Variants in HYCC1 observed in about 807,000 individuals in gnomAD.
HYCC1 encodes hyccin.
the HYCC1 span, chr7:22,964,520 C>T: frequency 6.3e-7 from 1 of 1,590,122 alleles, no homozygotes; most frequent in Middle Eastern, 1.7e-4. Context: ...AGGATATCCA[C>T]AAACACAGAT....
chr7:22,960,176 G>C, the HYCC1 span: 1 of 1,406,788 alleles, frequency 7.1e-7, no homozygotes, highest in Non-Finnish European at 1.0e-6. Flanking sequence ...ACTGAAGTTA[G>C]AAGTTATAGC....
chr7:22,911,700 G>C, the HYCC1 span, among the ~76,000 whole-genome samples: 1 of 152,234 alleles, frequency 6.6e-6, no homozygotes, highest in Non-Finnish European at 1.5e-5. Flanking sequence ...GGAGGTTGCA[G>C]TGAGCTGAGA....
chr7:22,961,055 G>GAAAATTTAAA, the HYCC1 span, among the ~76,000 whole-genome samples: 1 of 151,918 alleles, frequency 6.6e-6, no homozygotes, highest in East Asian at 1.9e-4. Flanking sequence ...CCGTCTCAAA[G>GAAAATTTAAA]AAAATTTAAA....
chr7:22,918,296 C>A, the HYCC1 span, among the ~76,000 whole-genome samples: 1 of 152,112 alleles, frequency 6.6e-6, no homozygotes, highest in Non-Finnish European at 1.5e-5. Flanking sequence ...CATACAAAAC[C>A]ATATCCAGGC....
the HYCC1 span, chr7:22,943,588 A>T: frequency 6.6e-5 from 10 of 152,442 alleles, no homozygotes; most frequent in Non-Finnish European, 1.5e-5. Context: ...ATTTCCCCAA[A>T]CTTATTCTAC....
chr7:22,906,071 G>GATA, the HYCC1 span, among the ~76,000 whole-genome samples: 1 of 152,124 alleles, frequency 6.6e-6, no homozygotes, highest in African/African-American at 2.4e-5. Context: ...TGGTGATAAT[G>GATA]ATAATGATGA....
At chr7:22,986,792 G>A in the HYCC1 span, among the ~76,000 whole-genome samples, 1 of 152,186 alleles carries the variant, frequency 6.6e-6, no homozygotes, top group Non-Finnish European at 1.5e-5. Context: ...AGGTTGCAGT[G>A]AGCTGAGAAA....
chr7:22,985,153 G>A, the HYCC1 span, among the ~76,000 whole-genome samples: 3 of 152,082 alleles, frequency 2.0e-5, no homozygotes, highest in African/African-American at 7.2e-5. Flanking sequence ...CATGTCTCAG[G>A]ATATTCCTAA....
At chr7:22,899,616 C>T in the HYCC1 span, among the ~76,000 whole-genome samples, 43 of 152,286 alleles carry the variant, frequency 2.8e-4, no homozygotes, top group East Asian at 1.2e-3. Context: ...AATTATGGGC[C>T]TGGTTTTCGC....
the HYCC1 span, among the ~76,000 whole-genome samples, chr7:22,907,260 C>A: frequency 2.0e-5 from 3 of 152,102 alleles, no homozygotes; most frequent in South Asian, 6.2e-4. Flanking sequence ...AACTAAGATG[C>A]CTGGATTTTT....
the HYCC1 span, among the ~76,000 whole-genome samples, chr7:22,905,917 A>G: frequency 6.6e-6 from 1 of 152,224 alleles, no homozygotes; most frequent in African/African-American, 2.4e-5. Context: ...GAGAAGATGA[A>G]GTAAAATATT....
chr7:22,896,686 T>C, the HYCC1 span, among the ~76,000 whole-genome samples: 1 of 152,224 alleles, frequency 6.6e-6, no homozygotes, highest in Non-Finnish European at 1.5e-5. Context: ...CTTTCTCTCA[T>C]TCCCATCTTC....
chr7:22,951,988 C>A, the HYCC1 span, among the ~76,000 whole-genome samples: 1 of 151,866 alleles, frequency 6.6e-6, no homozygotes, highest in Non-Finnish European at 1.5e-5. Context: ...TTCAACAAAA[C>A]AAGAAAAGAA....
chr7:22,962,939 A>G, the HYCC1 span, among the ~76,000 whole-genome samples: 1 of 152,134 alleles, frequency 6.6e-6, no homozygotes, highest in African/African-American at 2.4e-5. Context: ...AAAACCCTCC[A>G]GCAATCCAGC....
the HYCC1 span, chr7:22,991,012 A>T: frequency 2.3e-4 from 302 of 1,329,732 alleles, 4 homozygotes; most frequent in East Asian, 5.7e-3. Context: ...TAAACGCCAG[A>T]CAAAACTTCC....
At chr7:22,904,640 T>C in the HYCC1 span, among the ~76,000 whole-genome samples, 1 of 150,928 alleles carries the variant, frequency 6.6e-6, no homozygotes, top group Non-Finnish European at 1.5e-5. Flanking sequence ...AATAACTGAG[T>C]CTGGGTAAGT....
At chr7:23,001,496 T>C in the HYCC1 span, among the ~76,000 whole-genome samples, 1 of 152,192 alleles carries the variant, frequency 6.6e-6, no homozygotes, top group African/African-American at 2.4e-5. Flanking sequence ...ATATTTTCAT[T>C]CTAAATTGAA....
the HYCC1 span, among the ~76,000 whole-genome samples, chr7:22,971,852 T>C: frequency 6.6e-6 from 1 of 152,126 alleles, no homozygotes; most frequent in African/African-American, 2.4e-5. Flanking sequence ...GCATCTTCTG[T>C]CATGTTTCTC....
chr7:23,011,898 C>T, the HYCC1 span, among the ~76,000 whole-genome samples: 2 of 152,214 alleles, frequency 1.3e-5, no homozygotes, highest in Admixed American at 6.5e-5. Context: ...ACTCCACCTA[C>T]ACTCAAGGCA....
Sources: allele counts gnomAD v4.1 joint callset (sites outside exome capture counted in the v4.1 genomes callset), GRCh38; gene constraint gnomAD v4.1.1; transcripts MANE v1.5; gene names NCBI Gene and HGNC (gene_info 2026-07-23, HGNC 2026-07-21).